The following KHDRBS3 variants were observed in gnomAD, a reference collection of about 807,000 sequenced individuals.
KHDRBS3 encodes the protein KH RNA binding domain containing, signal transduction associated 3.
Under a neutral mutation model 45.6 loss-of-function variants are expected in KHDRBS3, and 23 were observed. That is an observed-to-expected ratio of 0.50 (90% CI 0.36 to 0.72). The LOEUF (loss-of-function observed/expected upper bound fraction) is 0.72, where lower values mean the gene tolerates loss of function less well. Among genes scored for constraint, KHDRBS3 ranks in the 30% least tolerant of loss-of-function variants. The pLI, the probability that KHDRBS3 is intolerant of heterozygous loss-of-function variation, is 0.00. For missense variants in KHDRBS3, 352 were observed against 424.8 expected, an observed-to-expected ratio of 0.83 and a Z score of 1.51; for synonymous variants, 162 against 156.5, an observed-to-expected ratio of 1.04 and a Z score of -0.26.
intron 4 of KHDRBS3, among the ~76,000 whole-genome samples, chr8:135,555,835 A>C (rs1362628792): frequency 6.6e-6 from 1 of 152,078 alleles, no homozygotes; most frequent in Non-Finnish European, 1.5e-5. Flanking sequence ...GGTTTGCTGC[A>C]CCCGTCAACC....
chr8:135,591,994 T>TA (rs1828765605), intron 6 of KHDRBS3, among the ~76,000 whole-genome samples: 1 of 152,226 alleles, frequency 6.6e-6, no homozygotes, highest in African/African-American at 2.4e-5. Context: ...AAATGCATTT[T>TA]AAATGTGAAT....
At position 135,507,698 on chromosome 8, in the gene KHDRBS3, A is replaced by G. The variant is rs139502714; in HGVS notation, c.89-13539A>G. On this transcript the variant is annotated intron_variant, in intron 1 of 8. Transcript: ENST00000355849. Reference sequence around the variant, plus strand: ...TGACTCTAGGCGGAGCAATATGTAAAATGTGACTGGAGAGTGACCTAGTAT... The same window carrying G: ...TGACTCTAGGCGGAGCAATATGTAAGATGTGACTGGAGAGTGACCTAGTAT... Among the ~76,000 whole-genome samples the G allele has an allele frequency of 2.9e-3, 449 of 152,308 alleles. 4 individuals carry two copies. Among genetic ancestry groups the G allele is most frequent in the African/African-American group, 0.01 (419 of 41,566 alleles).
chr8:135,591,606 A>C (rs992119819), intron 6 of KHDRBS3, among the ~76,000 whole-genome samples: 31 of 152,304 alleles, frequency 2.0e-4, no homozygotes, highest in African/African-American at 7.2e-4. Flanking sequence ...TAGAGGGACC[A>C]CTGTTTTCTC....
At position 135,500,918 on chromosome 8, in the gene KHDRBS3, T is replaced by G. The variant is rs905291390; in HGVS notation, c.89-20319T>G. On this transcript the variant is annotated intron_variant, in intron 1 of 8. Transcript: ENST00000355849. Reference sequence around the variant, plus strand: ...AAGTATATCGTGCTTGAATTAAATATTCTCACTAAAGGATGTGGTGACCAT... The same window carrying G: ...AAGTATATCGTGCTTGAATTAAATAGTCTCACTAAAGGATGTGGTGACCAT... Among the ~76,000 whole-genome samples the G allele has an allele frequency of 3.3e-5, 5 of 152,210 alleles. No individual in the cohort carries two copies. In the East Asian group the frequency reaches 9.6e-4, roughly 29 times the overall value.
intron 1 of KHDRBS3, among the ~76,000 whole-genome samples, chr8:135,513,348 TAACTG>T (rs979546995): frequency 2.0e-5 from 3 of 152,234 alleles, no homozygotes; most frequent in African/African-American, 7.2e-5. Context: ...ATATAGAACT[TAACTG>T]GACCAGGTAT....
At chr8:135,565,874 C>T (rs1283271722) in intron 5 of KHDRBS3, among the ~76,000 whole-genome samples, 1 of 152,216 alleles carries the variant, frequency 6.6e-6, no homozygotes, top group Admixed American at 6.5e-5. Flanking sequence ...CTTCAAGCGT[C>T]ATAACCCTTT....
chr8:135,494,126 T>G (rs1823294224), intron 1 of KHDRBS3, among the ~76,000 whole-genome samples: 1 of 152,086 alleles, frequency 6.6e-6, no homozygotes, highest in Non-Finnish European at 1.5e-5. Flanking sequence ...TTTACTCTTT[T>G]TTTTCTTAAT....
intron 6 of KHDRBS3, among the ~76,000 whole-genome samples, chr8:135,591,459 C>A (rs1419603827): frequency 6.6e-6 from 1 of 152,158 alleles, no homozygotes; most frequent in Non-Finnish European, 1.5e-5. Context: ...GAAATATAAA[C>A]CTCCTGTTGT....
At chr8:135,655,030 C>T (rs1831504058) in intron 4 of KHDRBS3, among the ~76,000 whole-genome samples, 3 of 152,236 alleles carry the variant, frequency 2.0e-5, no homozygotes, top group African/African-American at 7.2e-5. Flanking sequence ...AAATGTCCTT[C>T]ATCCCTTGTA....
intron 1 of KHDRBS3, among the ~76,000 whole-genome samples, chr8:135,461,735 T>C (rs1173705252): frequency 2.6e-5 from 4 of 152,228 alleles, no homozygotes; most frequent in Admixed American, 6.5e-5. Context: ...TAACACTGTA[T>C]TTTTAATTAT....
intron 1 of KHDRBS3, among the ~76,000 whole-genome samples, chr8:135,495,738 G>A (rs1026540826): frequency 2.0e-5 from 3 of 152,130 alleles, no homozygotes; most frequent in African/African-American, 7.2e-5. Context: ...CCTAGCTGCA[G>A]TTTAGTGCCA....
intron 4 of KHDRBS3, chr8:135,549,476 G>A (rs543255609): frequency 2.0e-5 from 3 of 152,328 alleles, no homozygotes; most frequent in African/African-American, 7.2e-5. Flanking sequence ...AAAATTGACT[G>A]TCTGTTTTAA....
Position 135,457,817 on chromosome 8 carries a change from C to A in KHDRBS3, c.-50C>A. On this transcript the variant is annotated 5_prime_UTR_variant, in exon 1 of 9. Transcript: ENST00000355849. The surrounding 1 kb of genome is among the most constrained non-coding windows in gnomAD (Gnocchi z 4.4). Reference sequence around the variant, plus strand: ...GGCGGGGTCGGGGGTTGCCGGGCGCCGCCCCCCGTGCGCCTGGAGTCCACA... The same window carrying A: ...GGCGGGGTCGGGGGTTGCCGGGCGCAGCCCCCCGTGCGCCTGGAGTCCACA... The A allele has an allele frequency of 7.7e-7, 1 of 1,306,400 alleles. No individual in the cohort carries two copies. Among genetic ancestry groups the A allele is most frequent in the Non-Finnish European group, 1.0e-6 (1 of 968,252 alleles). 80.9% of individuals were successfully genotyped at this position (1,306,400 alleles called of 1,614,324 possible).
chr8:135,547,899 A>G (rs1334761283), intron 3 of KHDRBS3, among the ~76,000 whole-genome samples: 1 of 152,200 alleles, frequency 6.6e-6, no homozygotes, highest in Non-Finnish European at 1.5e-5. Context: ...AGGAAAAGGC[A>G]GTGGAGCAAA....
At chr8:135,505,545 G>A (rs1428366166) in intron 1 of KHDRBS3, among the ~76,000 whole-genome samples, 1 of 152,220 alleles carries the variant, frequency 6.6e-6, no homozygotes, top group African/African-American at 2.4e-5. Flanking sequence ...AGATATTTTA[G>A]CAGAGAGGAT....
chr8:135,514,865 A>G (rs1824490104), intron 1 of KHDRBS3, among the ~76,000 whole-genome samples: 1 of 152,184 alleles, frequency 6.6e-6, no homozygotes. Context: ...ATTTGTTAGC[A>G]TAAAGAGATA....
chr8:135,494,273 A>ATT (rs386414089), intron 1 of KHDRBS3, among the ~76,000 whole-genome samples: 3,928 of 78,660 alleles, frequency 0.05, 364 homozygotes, highest in Non-Finnish European at 0.065. Flanking sequence ...TGTTTCTCTT[A>ATT]TTTTTTTTTT....
intron 6 of KHDRBS3, among the ~76,000 whole-genome samples, chr8:135,602,440 G>A (rs148236330): frequency 1.1e-3 from 170 of 152,074 alleles, no homozygotes; most frequent in African/African-American, 3.3e-3. Flanking sequence ...TAAAAATATC[G>A]AAGTCAATAA....
intron 6 of KHDRBS3, among the ~76,000 whole-genome samples, chr8:135,588,777 A>T (rs1828607341): frequency 6.6e-6 from 1 of 152,204 alleles, no homozygotes; most frequent in Admixed American, 6.5e-5. Flanking sequence ...ATTTCTTACT[A>T]TATCATAGTA....
Sources: allele counts gnomAD v4.1 joint callset (sites outside exome capture counted in the v4.1 genomes callset), GRCh38; gene constraint gnomAD v4.1.1; non-coding constraint Gnocchi (gnomAD v3.1); transcripts MANE v1.5; gene names NCBI Gene and HGNC (gene_info 2026-07-23, HGNC 2026-07-21).